The following LHX6 variants were observed in gnomAD, a reference collection of about 807,000 sequenced individuals.
The protein encoded by LHX6 is LIM/homeobox protein Lhx6.
In LHX6, 15 loss-of-function variants were observed where a neutral mutation model predicts 47.1. The observed-to-expected ratio is 0.32, with a 90% CI of 0.21 to 0.49. LHX6 has a LOEUF of 0.49. Among genes scored for constraint, LHX6 ranks in the 20% least tolerant of loss-of-function variants. The probability of loss-of-function intolerance (pLI) is 0.99; values close to 1 mark genes in which losing one functional copy is unlikely to be tolerated. For synonymous variants in LHX6, 242 were observed against 233.5 expected, an observed-to-expected ratio of 1.04 and a Z score of -0.33; for missense variants, 404 against 539.6, an observed-to-expected ratio of 0.75 and a Z score of 2.49.
rs1830091750 is a variant in LHX6, at chr9:122,204,398, A to C, written c.*362T>G. On this transcript the variant is annotated 3_prime_UTR_variant, in exon 10 of 10. Transcript: ENST00000394319. ...ATAAAGGCCAATGTGGGGGAAAAAAACCTGTAAATGAGAAGGCCGTTGGCA... is the reference window on the plus strand; with the variant it reads ...ATAAAGGCCAATGTGGGGGAAAAAACCCTGTAAATGAGAAGGCCGTTGGCA... 3.0e-6 allele frequency: 1 copy of C among 330,224 alleles called. No homozygotes were observed. The highest frequency in any genetic ancestry group is 5.5e-6 in the Non-Finnish European group (1 of 182,122). 20.5% of individuals were successfully genotyped at this position (330,224 alleles called of 1,614,324 possible).
chr9:122,228,822 G>T lies in LHX6; in HGVS notation c.-82C>A. 7 of 956,210 alleles carry T rather than the reference G, an allele frequency of 7.3e-6. No homozygotes were observed. Among genetic ancestry groups the T allele is most frequent in the African/African-American group, 1.7e-5 (1 of 58,222 alleles). 59.2% of individuals were successfully genotyped at this position (956,210 alleles called of 1,614,324 possible). A position where few individuals can be genotyped will look rare whatever the true frequency, so the allele number is the denominator to read the frequency against. On this transcript the variant is annotated 5_prime_UTR_variant, in exon 1 of 10. Transcript: ENST00000394319. ...GACCACAGCCGCAGTGGGAGCAGAG[G>T]CTGCTGCAGGAGCAGGAGGAGAGCC... is the stretch of plus-strand genomic sequence containing the variant.
chr9:122,214,166 C>A lies in LHX6; in HGVS notation c.784-97G>T. The A allele has an allele frequency of 7.1e-7, 1 of 1,415,148 alleles. No homozygotes were observed. The highest frequency in any genetic ancestry group is 9.4e-7 in the Non-Finnish European group (1 of 1,058,624). The allele number at this position is 1,415,148 out of a possible 1,614,324, so 87.7% of individuals were successfully genotyped here. ...AGTCCACAGGCCACGCCCCAGGCAG[C>A]TGCGGCCCCGCCCCGCCACCCGGGT... On this transcript the variant is annotated intron_variant, in intron 6 of 9. Transcript: ENST00000394319. This position sits in a 1 kb window ranked among gnomAD's most constrained non-coding sequence, Gnocchi z 4.6.
In LHX6 at chr9:122,213,815, GAA is replaced by G. The variant is rs756387348; in HGVS notation, c.880-37_880-36del. On this transcript the variant is annotated intron_variant, in intron 7 of 9. Transcript: ENST00000394319. This position sits in a 1 kb window ranked among gnomAD's most constrained non-coding sequence, Gnocchi z 5.5. ...CAGCCTCGGCAGCCTCAGCCTCGAG[GAA>G]AAGAGTCGGACGCGCCGCCGGGAGA... 8 of 1,556,616 alleles carry G rather than the reference GAA, an allele frequency of 5.1e-6. No individual in the cohort carries two copies. The highest frequency in any genetic ancestry group is 4.8e-5 in the East Asian group (2 of 41,948).
Position 122,211,385 on chromosome 9 carries a change from T to C in LHX6, c.1055-1668A>G, listed in dbSNP as rs541567034. On this transcript the variant is annotated intron_variant, in intron 8 of 9. Coordinates refer to ENST00000394319, the MANE Select transcript of LHX6 (RefSeq NM_014368.5). The stretch of plus-strand genomic sequence containing the variant: ...AAATGTATGTACATCTGCATTTTTC[T>C]GGGGTCTGGTTCCAAAGCTTTTATC... Among the ~76,000 whole-genome samples the C allele has an allele frequency of 7.2e-5, 11 of 152,358 alleles. No homozygotes were observed. In the East Asian group the frequency reaches 2.1e-3, roughly 29 times the overall value.
At chr9:122,227,068 G>T in intron 2 of LHX6, 38 bp from the exon 3 acceptor site, 2 of 1,444,468 alleles carry the variant, frequency 1.4e-6, no homozygotes, top group South Asian at 2.9e-5. Flanking sequence ...CGCTGATCCG[G>T]GCACCCAGAG....
At chr9:122,210,199 T>C (rs939687245) in intron 8 of LHX6, among the ~76,000 whole-genome samples, 5 of 150,134 alleles carry the variant, frequency 3.3e-5, no homozygotes, top group Admixed American at 6.7e-5. Flanking sequence ...ATTACAGGCA[T>C]GAGCCACCGT....
rs1371452441 is a variant in LHX6, at chr9:122,226,989, C to G, written c.198G>C (p.Lys66Asn). Reference protein sequence around the residue: ...DAEALAGALDKDEGQASPCTP... With the variant: ...DAEALAGALDNDEGQASPCTP... ...TACATGGGGAGGCCTGACCCTCGTCCTTGTCCAGAGCTCCTGCCAGGGCCT... is the reference window on the plus strand; with the variant it reads ...TACATGGGGAGGCCTGACCCTCGTCGTTGTCCAGAGCTCCTGCCAGGGCCT... Residue 66 changes from lysine to asparagine, a missense_variant, in exon 3 of 10, where the codon AAG becomes AAC. Transcript: ENST00000394319. This position sits in a 1 kb window ranked among gnomAD's most constrained non-coding sequence, Gnocchi z 6.5. 2 of 1,537,814 alleles carry G rather than the reference C, an allele frequency of 1.3e-6. No individual in the cohort carries two copies. The highest frequency in any genetic ancestry group is 1.8e-6 in the Non-Finnish European group (2 of 1,140,528).
chr9:122,221,891 C>CTA (rs1830879121), intron 4 of LHX6, among the ~76,000 whole-genome samples: 1 of 152,158 alleles, frequency 6.6e-6, no homozygotes, highest in Non-Finnish European at 1.5e-5. Context: ...AGCCAGGCAG[C>CTA]TATAGGGCTT....
Position 122,213,669 on chromosome 9 carries a change from G to T in LHX6, c.991C>A (p.His331Asn). 6.2e-7 allele frequency: 1 copy of T among 1,612,390 alleles called. No individual in the cohort carries two copies. The highest frequency in any genetic ancestry group is 8.5e-7 in the Non-Finnish European group (1 of 1,179,762). Residue 331 changes from histidine (H) to asparagine (N), a missense_variant, in exon 8 of 10, where the codon CAC becomes AAC. Coordinates refer to ENST00000394319, the MANE Select transcript of LHX6 (RefSeq NM_014368.5). This position sits in a 1 kb window ranked among gnomAD's most constrained non-coding sequence, Gnocchi z 5.5. Reference sequence around the variant, plus strand: ...TCGGGGCTGCTGAACGGGGTGTAGTGGATGTCGTCGGACAGGGCGGAGGGA... The same window carrying T: ...TCGGGGCTGCTGAACGGGGTGTAGTTGATGTCGTCGGACAGGGCGGAGGGA... ...RLPSALSDDI[H>N]YTPFSSPERA...
intron 5 of LHX6, among the ~76,000 whole-genome samples, 168 bp downstream of exon 5, chr9:122,216,900 C>G (rs1266282638): frequency 1.3e-5 from 2 of 152,184 alleles, no homozygotes; most frequent in African/African-American, 2.4e-5. Flanking sequence ...AGCAAAAGAT[C>G]GACCCGGAAG....
chr9:122,219,609 TTAC>T (rs1169023185), intron 4 of LHX6, among the ~76,000 whole-genome samples: 1 of 152,126 alleles, frequency 6.6e-6, no homozygotes, highest in Non-Finnish European at 1.5e-5. Flanking sequence ...CGTAGAGACC[TTAC>T]TACGGGCCGG....
rs1178051582 is a variant in LHX6 at position 122,217,410 on chromosome 9, TA to T, written c.462-123del. ...GCCTCTAAGTCTTCAACTCAGGCAT[TA>T]GCCTTAGCTTGGACGCAACAACACT... On this transcript the variant is annotated intron_variant, in intron 4 of 9. Coordinates refer to ENST00000394319, the MANE Select transcript of LHX6 (RefSeq NM_014368.5). This position sits in a 1 kb window ranked among gnomAD's most constrained non-coding sequence, Gnocchi z 4.9. 8.4e-6 allele frequency: 6 copies of T among 715,496 alleles called. No homozygotes were observed. The highest frequency in any genetic ancestry group is 1.4e-5 in the Non-Finnish European group (6 of 431,066). The allele number at this position is 715,496 out of a possible 1,614,324, so 44.3% of individuals were successfully genotyped here.
In LHX6 at chr9:122,204,473, G is replaced by A; in HGVS notation, c.*287C>T. 2.5e-6 allele frequency: 1 copy of A among 404,928 alleles called. No individual in the cohort carries two copies. Among genetic ancestry groups the A allele is most frequent in the Non-Finnish European group, 4.4e-6 (1 of 229,524 alleles). 25.1% of individuals were successfully genotyped at this position (404,928 alleles called of 1,614,324 possible). A position where few individuals can be genotyped will look rare whatever the true frequency, so the allele number is the denominator to read the frequency against. ...GTTATTGTAATCAGCTGAAGTTGAAGAGGACTCCTGTTTAAATGGGAAAAA... is the reference window on the plus strand; with the variant it reads ...GTTATTGTAATCAGCTGAAGTTGAAAAGGACTCCTGTTTAAATGGGAAAAA... On this transcript the variant is annotated 3_prime_UTR_variant, in exon 10 of 10. Coordinates refer to ENST00000394319, the MANE Select transcript of LHX6 (RefSeq NM_014368.5).
chr9:122,228,701 C>A lies in LHX6; in HGVS notation c.40G>T (p.Glu14Ter). Residue 14 changes from glutamate to a stop codon, truncating the protein, a stop_gained, in exon 1 of 10, where the codon GAG becomes TAG. Coordinates refer to ENST00000394319, the MANE Select transcript of LHX6 (RefSeq NM_014368.5). LOFTEE classifies it high-confidence loss of function. The stretch of plus-strand genomic sequence containing the variant: ...CCCTCGGCCGGCAGCCGGCAGCCCT[C>A]GGGCAACGCCGGGGCGGCGTTCTCA... ...KHENAAPALP[E>*]GCRLPAEGGP... 7.7e-7 allele frequency: 1 copy of A among 1,290,694 alleles called. No homozygotes were observed. The highest frequency in any genetic ancestry group is 9.8e-7 in the Non-Finnish European group (1 of 1,018,888). 80.0% of individuals were successfully genotyped at this position (1,290,694 alleles called of 1,614,324 possible).
Position 122,220,112 on chromosome 9 carries a change from A to G in LHX6, c.462-2824T>C, listed in dbSNP as rs1588353829. On this transcript the variant is annotated intron_variant, in intron 4 of 9. Transcript: ENST00000394319. Reference sequence around the variant, plus strand: ...CGTCAAAGACTCTCCGCGCACCGCGATCTTCCTGTCCCGCGAGTCCCCGAC... The same window carrying G: ...CGTCAAAGACTCTCCGCGCACCGCGGTCTTCCTGTCCCGCGAGTCCCCGAC... Among the ~76,000 whole-genome samples, 4 of 152,264 alleles carry G rather than the reference A, an allele frequency of 2.6e-5. No individual in the cohort carries two copies. The South Asian group carries it at 8.3e-4, about 32-fold the overall frequency.
chr9:122,225,759 T>C (rs986960536), intron 4 of LHX6, among the ~76,000 whole-genome samples: 5 of 151,754 alleles, frequency 3.3e-5, no homozygotes, highest in Admixed American at 2.6e-4. Flanking sequence ...GGGAATGAGT[T>C]GAGATGGAGC....
At chr9:122,221,501 TTGCATGAAGTCG>T (rs1830859191) in intron 4 of LHX6, 1 of 985,648 alleles carries the variant, frequency 1.0e-6, no homozygotes, top group Non-Finnish European at 1.2e-6. Flanking sequence ...GGCTAGGGGC[TTGCATGAAGTCG>T]TTTGGGCCTA....
intron 1 of LHX6, chr9:122,228,059 G>T: frequency 1.8e-6 from 1 of 557,978 alleles, no homozygotes; most frequent in Non-Finnish European, 3.2e-6. Context: ...GATGGGTGAG[G>T]GGCGGAGGGT....
intron 4 of LHX6, among the ~76,000 whole-genome samples, chr9:122,224,742 A>C (rs954443933): frequency 5.3e-5 from 8 of 152,086 alleles, no homozygotes; most frequent in Non-Finnish European, 8.8e-5. Flanking sequence ...CTCAACATTC[A>C]CATACAGACA....
Sources: gnomAD v4.1 joint callset for allele counts (sites outside exome capture counted in the v4.1 genomes callset) on GRCh38, gnomAD v4.1.1 for gene constraint, Gnocchi (gnomAD v3.1) non-coding constraint, MANE v1.5 for transcripts, NCBI Gene and HGNC (gene_info 2026-07-23, HGNC 2026-07-21) for gene names.